Variants in NRXN3 observed in about 807,000 individuals in gnomAD.
NRXN3 encodes the protein neurexin 3.
Under a neutral mutation model 137.6 loss-of-function variants are expected in NRXN3, and 32 were observed. The observed-to-expected ratio is 0.23, with a 90% CI of 0.18 to 0.31. NRXN3 has a LOEUF of 0.31. Among genes scored for constraint, NRXN3 ranks in the 10% least tolerant of loss-of-function variants. NRXN3 has a pLI of 1.00. For missense variants in NRXN3, 1,574 were observed against 2,062.5 expected (o/e 0.76, Z 4.59); for synonymous variants, 798 against 784.5 (o/e 1.02, Z -0.29).
intron 16 of NRXN3, among the ~76,000 whole-genome samples, chr14:79,561,890 A>G (rs1330672604): frequency 6.6e-6 from 1 of 152,174 alleles, no homozygotes; most frequent in Non-Finnish European, 1.5e-5. Context: ...CTCACAACCC[A>G]GATAATACTT....
chr14:79,335,368 C>G (rs2092163926), intron 15 of NRXN3, among the ~76,000 whole-genome samples: 1 of 152,064 alleles, frequency 6.6e-6, no homozygotes, highest in Non-Finnish European at 1.5e-5. Context: ...AATAGTATGA[C>G]AGTCCTGATA....
chr14:78,535,643 C>T (rs952573203), intron 4 of NRXN3, among the ~76,000 whole-genome samples: 30 of 152,192 alleles, frequency 2.0e-4, no homozygotes, highest in African/African-American at 5.3e-4. Flanking sequence ...CTAAAAAGTC[C>T]GAAGGATGAT....
chr14:78,523,643 C>CAA (rs3036598), intron 4 of NRXN3, among the ~76,000 whole-genome samples: 115 of 77,696 alleles, frequency 1.5e-3, no homozygotes, highest in African/African-American at 2.7e-3. Context: ...ACTACAAATA[C>CAA]AAAAAAAAAA....
At chr14:79,502,803 C>G (rs971910425) in intron 16 of NRXN3, among the ~76,000 whole-genome samples, 1 of 152,022 alleles carries the variant, frequency 6.6e-6, no homozygotes, top group Non-Finnish European at 1.5e-5. Flanking sequence ...TAACATCCTT[C>G]TCACCTTTCT....
chr14:78,434,755 C>A (rs2094005204), intron 4 of NRXN3, among the ~76,000 whole-genome samples: 1 of 152,068 alleles, frequency 6.6e-6, no homozygotes, highest in Non-Finnish European at 1.5e-5. Flanking sequence ...GTGAGAACAG[C>A]TACAGAGGAG....
intron 4 of NRXN3, among the ~76,000 whole-genome samples, chr14:78,577,292 T>A (rs2096945546): frequency 6.6e-6 from 1 of 152,204 alleles, no homozygotes; most frequent in South Asian, 2.1e-4. Context: ...TTGGAATTTT[T>A]AGGGTCAGAA....
chr14:78,923,857 C>A (rs2099277767), intron 10 of NRXN3, among the ~76,000 whole-genome samples: 1 of 152,180 alleles, frequency 6.6e-6, no homozygotes, highest in South Asian at 2.1e-4. Flanking sequence ...AATTCCTTAA[C>A]CTGCTCTTTT....
intron 10 of NRXN3, among the ~76,000 whole-genome samples, chr14:78,813,052 A>C (rs2098919408): frequency 1.3e-5 from 2 of 152,332 alleles, no homozygotes; most frequent in Admixed American, 1.3e-4. Flanking sequence ...AGCTAATTTT[A>C]ATTGTTAATA....
chr14:78,308,884 A>G (rs1206728177), intron 4 of NRXN3, among the ~76,000 whole-genome samples: 1 of 152,118 alleles, frequency 6.6e-6, no homozygotes, highest in Non-Finnish European at 1.5e-5. Flanking sequence ...TGTTGCTGGT[A>G]AGAATTGCTA....
intron 15 of NRXN3, among the ~76,000 whole-genome samples, chr14:79,193,796 T>A (rs2064755292): frequency 6.6e-6 from 1 of 152,148 alleles, no homozygotes; most frequent in South Asian, 2.1e-4. Flanking sequence ...GAGTAAAGTG[T>A]TTTCTAATGT....
intron 15 of NRXN3, among the ~76,000 whole-genome samples, chr14:79,351,943 G>A (rs2093229473): frequency 6.6e-6 from 1 of 152,156 alleles, no homozygotes; most frequent in Admixed American, 6.5e-5. Context: ...GAGAACAATA[G>A]GCGCTTTAAA....
At chr14:78,426,112 A>C (rs1306770404) in intron 4 of NRXN3, among the ~76,000 whole-genome samples, 1 of 152,186 alleles carries the variant, frequency 6.6e-6, no homozygotes, top group African/African-American at 2.4e-5. Context: ...CCCATTTCCC[A>C]GAGAGCTCAT....
intron 1 of NRXN3, among the ~76,000 whole-genome samples, chr14:78,236,734 C>A (rs553391955): frequency 6.9e-5 from 10 of 144,604 alleles, no homozygotes; most frequent in African/African-American, 2.2e-4. Flanking sequence ...ATTATTCCCC[C>A]CCCCCTTTTT....
At chr14:79,565,212 TATATATGTGTGTGTATATATAC>T (rs749682742) in intron 16 of NRXN3, among the ~76,000 whole-genome samples, 28 of 143,020 alleles carry the variant, frequency 2.0e-4, no homozygotes, top group East Asian at 1.0e-3. Flanking sequence ...TGTTTGTGTA[TATATATGTGTGTGTATATATAC>T]ATATATGTGT....
chr14:78,491,986 T>G (rs1407503224), intron 4 of NRXN3, among the ~76,000 whole-genome samples: 2 of 152,196 alleles, frequency 1.3e-5, no homozygotes, highest in African/African-American at 4.8e-5. Context: ...GGATTCCGCC[T>G]CTGCTGCTTA....
intron 20 of NRXN3, among the ~76,000 whole-genome samples, chr14:79,805,644 A>G (rs1303234495): frequency 1.3e-5 from 2 of 152,010 alleles, no homozygotes; most frequent in African/African-American, 4.8e-5. Flanking sequence ...ATGACTTAAA[A>G]CTCATGAATT....
chr14:78,430,137 C>T (rs1333891766), intron 4 of NRXN3, among the ~76,000 whole-genome samples: 1 of 152,272 alleles, frequency 6.6e-6, no homozygotes, highest in African/African-American at 2.4e-5. Context: ...ACTCGGGAGG[C>T]TAAGGTGGGA....
At chr14:78,324,613 A>G (rs2079821252) in intron 4 of NRXN3, among the ~76,000 whole-genome samples, 2 of 152,164 alleles carry the variant, frequency 1.3e-5, no homozygotes, top group Admixed American at 1.3e-4. Flanking sequence ...AAGAGAGTGC[A>G]TTAATAAAAG....
At chr14:78,843,258 G>A (rs1386169162) in intron 10 of NRXN3, among the ~76,000 whole-genome samples, 5 of 152,114 alleles carry the variant, frequency 3.3e-5, no homozygotes, top group Non-Finnish European at 1.5e-5. Flanking sequence ...CATGGCTTCA[G>A]CTGGTCCCTC....
Sources: gnomAD v4.1 joint callset for allele counts (sites outside exome capture counted in the v4.1 genomes callset) on GRCh38, gnomAD v4.1.1 for gene constraint, MANE v1.5 for transcripts, NCBI Gene and HGNC (gene_info 2026-07-23, HGNC 2026-07-21) for gene names.